The following TEX2 variants were observed in gnomAD, a reference collection of about 807,000 sequenced individuals.
TEX2 encodes the protein testis expressed 2.
Under a neutral mutation model 106.9 loss-of-function variants are expected in TEX2, and 53 were observed. The observed-to-expected ratio is 0.50, with a 90% CI of 0.40 to 0.62. The LOEUF (loss-of-function observed/expected upper bound fraction) is 0.62. TEX2 is among the 20% of genes least tolerant of loss of function. The pLI is 0.00. For missense variants in TEX2, 1,207 were observed against 1,379.0 expected (o/e 0.88, Z 1.98); for synonymous variants, 523 against 534.8 (o/e 0.98, Z 0.30).
intron 4 of TEX2, among the ~76,000 whole-genome samples, chr17:64,192,358 A>G (rs2032330407): frequency 6.6e-6 from 1 of 152,232 alleles, no homozygotes; most frequent in Non-Finnish European, 1.5e-5. Context: ...ACACAGAGCC[A>G]CTGACAGACA....
At chr17:64,180,633 G>A (rs905148030) in intron 5 of TEX2, among the ~76,000 whole-genome samples, 2 of 152,224 alleles carry the variant, frequency 1.3e-5, no homozygotes, top group Non-Finnish European at 2.9e-5. Flanking sequence ...TTGGCTATAG[G>A]ATGAAATGTG....
chr17:64,175,015 A>G (rs1258920758), intron 6 of TEX2, among the ~76,000 whole-genome samples: 4 of 152,212 alleles, frequency 2.6e-5, no homozygotes, highest in Non-Finnish European at 5.9e-5. Context: ...GATCTGTGTC[A>G]CAGGGGAAAG....
At chr17:64,163,205 AC>A (rs2030966077) in intron 7 of TEX2, among the ~76,000 whole-genome samples, 1 of 151,866 alleles carries the variant, frequency 6.6e-6, no homozygotes, top group Non-Finnish European at 1.5e-5. Context: ...GCTGACTGCA[AC>A]CTCCGCCTCC....
At chr17:64,182,907 GTGT>G (rs938955183) in intron 5 of TEX2, among the ~76,000 whole-genome samples, 5 of 145,164 alleles carry the variant, frequency 3.4e-5, no homozygotes, top group African/African-American at 1.0e-4. Flanking sequence ...CACTTTTGTT[GTGT>G]TTTTTTTTTT....
intron 8 of TEX2, among the ~76,000 whole-genome samples, chr17:64,156,537 G>A (rs1472067130): frequency 2.6e-5 from 4 of 152,188 alleles, no homozygotes; most frequent in Non-Finnish European, 5.9e-5. Flanking sequence ...AGTGTGCTGT[G>A]GTTAGGCAGC....
intron 1 of TEX2, among the ~76,000 whole-genome samples, chr17:64,215,575 CT>C (rs1480337513): frequency 2.0e-5 from 3 of 152,164 alleles, no homozygotes; most frequent in African/African-American, 7.2e-5. Flanking sequence ...CATAGGGCTT[CT>C]AGTACTTGTC....
At chr17:64,196,629 T>C (rs2032476465) in intron 2 of TEX2, among the ~76,000 whole-genome samples, 1 of 152,164 alleles carries the variant, frequency 6.6e-6, no homozygotes, top group Non-Finnish European at 1.5e-5. Flanking sequence ...CAATTACAGA[T>C]CACAGTGGGG....
At chr17:64,196,555 G>A (rs898878981) in intron 2 of TEX2, among the ~76,000 whole-genome samples, 2 of 152,116 alleles carry the variant, frequency 1.3e-5, no homozygotes, top group African/African-American at 4.8e-5. Flanking sequence ...AGCAAGCAGT[G>A]GCCATGGGAA....
intron 1 of TEX2, among the ~76,000 whole-genome samples, chr17:64,236,585 G>C (rs12449587): frequency 0.032 from 4,816 of 152,250 alleles, 128 homozygotes; most frequent in South Asian, 0.1. Flanking sequence ...ATGTGCATAA[G>C]TTATATGCAA....
intron 1 of TEX2, among the ~76,000 whole-genome samples, chr17:64,260,108 T>C (rs2034263397): frequency 1.3e-5 from 2 of 152,306 alleles, no homozygotes; most frequent in Non-Finnish European, 2.9e-5. Flanking sequence ...GTAAAAGATT[T>C]CCCAATAGCC....
intron 4 of TEX2, 109 bp downstream of exon 4, chr17:64,193,450 C>A: frequency 1.2e-6 from 1 of 855,806 alleles, no homozygotes; most frequent in Non-Finnish European, 1.7e-6. Flanking sequence ...AGACAACCAT[C>A]AGTTCAGGGT....
At chr17:64,172,293 C>T (rs1459559529) in intron 6 of TEX2, among the ~76,000 whole-genome samples, 2 of 149,402 alleles carry the variant, frequency 1.3e-5, no homozygotes, top group Non-Finnish European at 3.0e-5. Flanking sequence ...GTGGAGGTTG[C>T]AGCAAGCCAA....
In TEX2 at chr17:64,147,399, G is replaced by C. The variant is rs1268896578; in HGVS notation, c.*1570C>G. 6.6e-6 allele frequency: 1 copy of C among 152,064 alleles called. No homozygotes were observed. The highest frequency in any genetic ancestry group is 1.9e-4 in the East Asian group (1 of 5,198). 9.4% of individuals were successfully genotyped at this position (152,064 alleles called of 1,614,324 possible). ...TACTCATTTTATTGTGCCCCTATCTGAACAGGATTCCGTAGAAATGACTTA... is the reference window on the plus strand; with the variant it reads ...TACTCATTTTATTGTGCCCCTATCTCAACAGGATTCCGTAGAAATGACTTA... On this transcript the variant is annotated 3_prime_UTR_variant, in exon 12 of 12. Coordinates refer to ENST00000584379, the MANE Select transcript of TEX2 (RefSeq NM_001288732.2).
intron 7 of TEX2, among the ~76,000 whole-genome samples, chr17:64,165,920 A>G (rs1360634195): frequency 1.3e-5 from 2 of 152,220 alleles, no homozygotes; most frequent in African/African-American, 2.4e-5. Context: ...TCTTGAAAAC[A>G]AGGCAAAACC....
chr17:64,221,199 C>T (rs1555633260), intron 1 of TEX2, among the ~76,000 whole-genome samples: 1 of 151,970 alleles, frequency 6.6e-6, no homozygotes, highest in East Asian at 1.9e-4. Flanking sequence ...TGGGGCCTGT[C>T]AGGGGGCAGG....
chr17:64,160,649 A>G, intron 8 of TEX2, 152 bp downstream of exon 8: 1 of 1,034,974 alleles, frequency 9.7e-7, no homozygotes, highest in African/African-American at 1.6e-5. Context: ...AGACTAGGAA[A>G]CCATTCCCTG....
At chr17:64,187,728 C>A (rs1168038382) in intron 5 of TEX2, among the ~76,000 whole-genome samples, 1 of 152,152 alleles carries the variant, frequency 6.6e-6, no homozygotes, top group Admixed American at 6.5e-5. Context: ...CTACAGCGGG[C>A]CCTTGGGTTG....
rs184951493 is a variant in TEX2, at chr17:64,242,871, C to T, written c.-26+20297G>A. ...GAAGCCAAGGTGGGAGGATCACTTG[C>T]GGCCAGAGTTTGAGACTAGCCTGGG... is the stretch of plus-strand genomic sequence containing the variant. On this transcript the variant is annotated intron_variant, in intron 1 of 11. Coordinates refer to ENST00000584379, the MANE Select transcript of TEX2 (RefSeq NM_001288732.2). Among the ~76,000 whole-genome samples, 307 of 151,838 alleles carry T rather than the reference C, an allele frequency of 2.0e-3. 1 individual carries two copies. The highest frequency in any genetic ancestry group is 6.8e-3 in the African/African-American group (282 of 41,396).
intron 7 of TEX2, 104 bp from the exon 8 acceptor site, chr17:64,161,037 T>A: frequency 2.3e-6 from 3 of 1,279,234 alleles, no homozygotes; most frequent in Non-Finnish European, 3.3e-6. Context: ...ATACTGAAAG[T>A]CCATGTATCG....
Sources: allele counts gnomAD v4.1 joint callset (sites outside exome capture counted in the v4.1 genomes callset), GRCh38; gene constraint gnomAD v4.1.1; transcripts MANE v1.5; gene names NCBI Gene and HGNC (gene_info 2026-07-23, HGNC 2026-07-21).